FARP1: variants seen among roughly 807,000 people sequenced by gnomAD.
The protein encoded by FARP1 is FERM, ARHGEF and pleckstrin domain-containing protein 1.
In FARP1, 52 loss-of-function variants were observed where a neutral mutation model predicts 128.8. The ratio of observed to expected loss-of-function variants is 0.40; its 90% CI spans 0.32 to 0.51. The LOEUF (loss-of-function observed/expected upper bound fraction) is 0.51. Among genes scored for constraint, FARP1 ranks in the 20% least tolerant of loss-of-function variants. The probability of loss-of-function intolerance (pLI) is 0.45; values close to 1 mark genes in which losing one functional copy is unlikely to be tolerated. For missense variants in FARP1, 1,333 were observed against 1,367.9 expected (o/e 0.97, Z 0.40); for synonymous variants, 580 against 551.8 (o/e 1.05, Z -0.72).
intron 2 of FARP1, among the ~76,000 whole-genome samples, chr13:98,263,712 G>T (rs1883979575): frequency 6.6e-6 from 1 of 152,152 alleles, no homozygotes; most frequent in Non-Finnish European, 1.5e-5. Flanking sequence ...AGGTTATTGA[G>T]TAAACCATGG....
chr13:98,431,271 G>T lies in FARP1; in HGVS notation c.2134G>T (p.Asp712Tyr), dbSNP rs751089952. The T allele has an allele frequency of 6.3e-7, 1 of 1,586,610 alleles. No individual in the cohort carries two copies. The highest frequency in any genetic ancestry group is 8.6e-7 in the Non-Finnish European group (1 of 1,167,174). ...CCCGCCGAGCCACGCCGACTTCAGG[G>T]ACTGCCGAGGTGAGTGCTGGGAGCC... is the stretch of plus-strand genomic sequence containing the variant. Reference protein sequence around the residue: ...HHPPSHADFRDCRAALAEITE... With the variant: ...HHPPSHADFRYCRAALAEITE... The change falls in exon 18 of 27, where the codon GAC becomes TAC. Residue 712 changes from aspartate to tyrosine, a missense_variant. This residue lies in a region of FARP1 where 1,009 missense variants were observed against 969.8 expected (regional missense o/e 1.04). Coordinates refer to ENST00000319562, the MANE Select transcript of FARP1 (RefSeq NM_005766.4).
intron 2 of FARP1, among the ~76,000 whole-genome samples, chr13:98,236,956 C>T (rs1272185307): frequency 1.3e-5 from 2 of 152,036 alleles, no homozygotes; most frequent in African/African-American, 4.8e-5. Flanking sequence ...TGCGCCATTG[C>T]ACTCCAGCCT....
chr13:98,385,597 T>C (rs1890065484), intron 7 of FARP1, 70 bp from the exon 8 acceptor site: 1 of 1,556,068 alleles, frequency 6.4e-7, no homozygotes, highest in Non-Finnish European at 8.8e-7. Flanking sequence ...GAGAAGCTTC[T>C]TAATCTCAAA....
intron 1 of FARP1, among the ~76,000 whole-genome samples, chr13:98,172,907 C>G (rs893233294): frequency 6.6e-5 from 10 of 152,282 alleles, no homozygotes; most frequent in Admixed American, 6.5e-4. Context: ...ACTGCACTGG[C>G]AACAACCCAG....
intron 2 of FARP1, among the ~76,000 whole-genome samples, chr13:98,316,681 A>C (rs656556): frequency 6.6e-6 from 1 of 152,096 alleles, no homozygotes; most frequent in African/African-American, 2.4e-5. Flanking sequence ...ATGCCAGAAC[A>C]CTGCGTTGCA....
At chr13:98,446,306 C>G in intron 25 of FARP1, 101 bp downstream of exon 25, 1 of 741,434 alleles carries the variant, frequency 1.3e-6, no homozygotes, top group Non-Finnish European at 2.3e-6. Flanking sequence ...CTCTTGGGCT[C>G]CAGGTGTCAC....
rs1877989060 is a variant in FARP1 at position 98,176,047 on chromosome 13, G to C, written c.-24+32555G>C. On this transcript the variant is annotated intron_variant, in intron 1 of 26. Transcript: ENST00000319562. The surrounding 1 kb of genome is among the most constrained non-coding windows in gnomAD (Gnocchi z 6.2). ...GAGTGCACATACCTCTTTGAGATCC[G>C]GATTTCAATTCTTTTGGTTACATAC... The C allele has an allele frequency of 9.4e-6, 9 of 958,964 alleles. No individual in the cohort carries two copies. Among genetic ancestry groups the C allele is most frequent in the South Asian group, 9.0e-5 (6 of 66,788 alleles). 59.4% of individuals were successfully genotyped at this position (958,964 alleles called of 1,614,324 possible).
chr13:98,246,390 G>A (rs1207697137), intron 2 of FARP1, among the ~76,000 whole-genome samples: 1 of 151,888 alleles, frequency 6.6e-6, no homozygotes, highest in Non-Finnish European at 1.5e-5. Flanking sequence ...ACCGCGCCCA[G>A]CCCCGAGATA....
chr13:98,358,401 T>G (rs1377757843), intron 3 of FARP1, among the ~76,000 whole-genome samples: 1 of 152,072 alleles, frequency 6.6e-6, no homozygotes, highest in African/African-American at 2.4e-5. Flanking sequence ...TCAGATCTGT[T>G]GTGTTATATA....
At chr13:98,409,732 A>T (rs1891119896) in intron 14 of FARP1, among the ~76,000 whole-genome samples, 1 of 152,142 alleles carries the variant, frequency 6.6e-6, no homozygotes, top group Non-Finnish European at 1.5e-5. Context: ...CCAAACAGAA[A>T]CTACATCCAT....
chr13:98,286,545 G>C (rs1478294676), intron 2 of FARP1, among the ~76,000 whole-genome samples: 5 of 152,148 alleles, frequency 3.3e-5, no homozygotes, highest in African/African-American at 1.2e-4. Context: ...GCCGCCATGT[G>C]AGACATACCT....
chr13:98,308,838 T>A (rs1256180747), intron 2 of FARP1, among the ~76,000 whole-genome samples: 1 of 151,816 alleles, frequency 6.6e-6, no homozygotes, highest in Admixed American at 6.6e-5. Flanking sequence ...CCTGGCTGAT[T>A]TTTTGTATTT....
intron 2 of FARP1, among the ~76,000 whole-genome samples, chr13:98,295,046 TACACACACACAC>T (rs746373395): frequency 0.034 from 3,736 of 108,298 alleles, 123 homozygotes; most frequent in African/African-American, 0.062. Context: ...ATATATATAT[TACACACACACAC>T]ACACACACAC....
intron 2 of FARP1, among the ~76,000 whole-genome samples, chr13:98,246,146 G>C (rs888812164): frequency 3.3e-5 from 4 of 120,824 alleles, no homozygotes; most frequent in African/African-American, 1.3e-4. Context: ...CCAGGCTGGA[G>C]TGCAGTGGCG....
intron 2 of FARP1, among the ~76,000 whole-genome samples, chr13:98,321,822 G>T (rs1887004542): frequency 1.3e-5 from 2 of 152,200 alleles, no homozygotes; most frequent in South Asian, 4.1e-4. Flanking sequence ...TCATCTGAGA[G>T]AATTTGATGT....
intron 2 of FARP1, chr13:98,328,660 C>T (rs2139816377): frequency 6.6e-6 from 1 of 152,314 alleles, no homozygotes; most frequent in South Asian, 2.1e-4. Flanking sequence ...TAAGGCTTCG[C>T]TTTGACATAC....
rs1893376010 is a variant in FARP1, at chr13:98,454,849, C to T, written c.*6532C>T. 1 of 152,252 alleles carries T rather than the reference C, an allele frequency of 6.6e-6. No homozygotes were observed. Among genetic ancestry groups the T allele is most frequent in the Admixed American group, 6.5e-5 (1 of 15,284 alleles). The allele number at this position is 152,252 out of a possible 1,614,324, so 9.4% of individuals were successfully genotyped here. On this transcript the variant is annotated 3_prime_UTR_variant, in exon 27 of 27. Coordinates refer to ENST00000319562, the MANE Select transcript of FARP1 (RefSeq NM_005766.4). ...ATAAGCACCTCAAGAGGCAGCTCAT[C>T]TGAGGACAGAGGAGGAAAGAGGGCA...
At chr13:98,148,349 G>A (rs2139079247) in intron 1 of FARP1, among the ~76,000 whole-genome samples, 1 of 152,354 alleles carries the variant, frequency 6.6e-6, no homozygotes, top group African/African-American at 2.4e-5. Flanking sequence ...TTGTACTCCA[G>A]CCTGGGCAAC....
chr13:98,389,027 C>T (rs905212322), intron 9 of FARP1, among the ~76,000 whole-genome samples: 12 of 152,312 alleles, frequency 7.9e-5, no homozygotes, highest in Middle Eastern at 6.8e-3. Context: ...GAAATGGCGA[C>T]GGAGGAGGTG....
Sources: gnomAD v4.1 joint callset for allele counts (sites outside exome capture counted in the v4.1 genomes callset) on GRCh38, gnomAD v4.1.1 for gene constraint, gnomAD v4.1.1 regional missense constraint, Gnocchi (gnomAD v3.1) non-coding constraint, MANE v1.5 for transcripts, NCBI Gene and HGNC (gene_info 2026-07-23, HGNC 2026-07-21) for gene names.